The following ATRNL1 variants were observed in gnomAD, a reference collection of about 807,000 sequenced individuals.
ATRNL1 encodes the protein attractin like 1.
In ATRNL1, 95 loss-of-function variants were observed where a neutral mutation model predicts 182.7. The observed-to-expected ratio is 0.52, with a 90% CI of 0.44 to 0.62. The LOEUF is 0.62. Ranked by LOEUF, ATRNL1 falls within the 20% of genes least tolerant of loss-of-function variation. ATRNL1 has a pLI of 0.00. For synonymous variants in ATRNL1, 576 were observed against 568.3 expected (o/e 1.01, Z -0.19); for missense variants, 1,471 against 1,679.5 (o/e 0.88, Z 2.17).
intron 27 of ATRNL1, among the ~76,000 whole-genome samples, chr10:115,786,573 A>G (rs1555080472): frequency 6.6e-6 from 1 of 152,148 alleles, no homozygotes; most frequent in Non-Finnish European, 1.5e-5. Flanking sequence ...AGAAGGATAC[A>G]AGTCATTGGA....
chr10:115,626,922 A>G (rs1592969820), intron 26 of ATRNL1, among the ~76,000 whole-genome samples: 1 of 152,168 alleles, frequency 6.6e-6, no homozygotes, highest in African/African-American at 2.4e-5. Context: ...ATGTATTTCT[A>G]TCTCCTAATA....
chr10:115,381,272 A>G (rs187797849), intron 19 of ATRNL1, among the ~76,000 whole-genome samples: 136 of 150,898 alleles, frequency 9.0e-4, no homozygotes, highest in Non-Finnish European at 1.4e-3. Flanking sequence ...TATTTTTATT[A>G]TTACTATTTT....
intron 9 of ATRNL1, among the ~76,000 whole-genome samples, chr10:115,229,961 C>T (rs144775559): frequency 2.6e-5 from 4 of 152,112 alleles, no homozygotes; most frequent in African/African-American, 4.8e-5. Context: ...ACCCTAGAAG[C>T]CCCCATGTGT....
intron 1 of ATRNL1, among the ~76,000 whole-genome samples, chr10:115,113,614 T>C (rs752354605): frequency 1.3e-5 from 2 of 152,156 alleles, no homozygotes; most frequent in Non-Finnish European, 2.9e-5. Flanking sequence ...ACAAGCTCTC[T>C]CTGCCTGCTG....
At chr10:115,186,465 T>G (rs1364921881) in intron 8 of ATRNL1, among the ~76,000 whole-genome samples, 1 of 152,036 alleles carries the variant, frequency 6.6e-6, no homozygotes, top group Non-Finnish European at 1.5e-5. Flanking sequence ...AATCTAAGTG[T>G]CCATCAACAG....
At chr10:115,464,879 A>T (rs1488612790) in intron 22 of ATRNL1, among the ~76,000 whole-genome samples, 1 of 151,748 alleles carries the variant, frequency 6.6e-6, no homozygotes, top group Non-Finnish European at 1.5e-5. Context: ...CCTTTTTTTG[A>T]GTTCCCAGTC....
chr10:115,427,003 G>C (rs1052553549), intron 21 of ATRNL1, among the ~76,000 whole-genome samples: 1 of 152,124 alleles, frequency 6.6e-6, no homozygotes, highest in African/African-American at 2.4e-5. Flanking sequence ...GATTACAGGC[G>C]TGAGCCACTG....
At chr10:115,470,363 A>G (rs1438220783) in intron 24 of ATRNL1, among the ~76,000 whole-genome samples, 1 of 150,540 alleles carries the variant, frequency 6.6e-6, no homozygotes, top group Non-Finnish European at 1.5e-5. Flanking sequence ...TCTTCATTGT[A>G]TAGTGATTGA....
chr10:115,107,704 G>A (rs910938372), intron 1 of ATRNL1, among the ~76,000 whole-genome samples: 18 of 152,362 alleles, frequency 1.2e-4, no homozygotes, highest in African/African-American at 3.4e-4. Flanking sequence ...TGAGGTAGCC[G>A]CATCTCCACA....
chr10:115,722,246 G>T (rs1419002812), intron 26 of ATRNL1, among the ~76,000 whole-genome samples: 1 of 138,664 alleles, frequency 7.2e-6, no homozygotes, highest in Non-Finnish European at 1.6e-5. Flanking sequence ...GCAGGTCAAA[G>T]ATTATAAAAG....
At chr10:115,212,300 A>T (rs1291018829) in intron 8 of ATRNL1, among the ~76,000 whole-genome samples, 4 of 126,694 alleles carry the variant, frequency 3.2e-5, no homozygotes, top group Non-Finnish European at 5.3e-5. Flanking sequence ...GTTTTTTTTT[A>T]ACTTTTTTTT....
At chr10:115,131,817 G>A (rs1282733513) in intron 5 of ATRNL1, among the ~76,000 whole-genome samples, 2 of 152,164 alleles carry the variant, frequency 1.3e-5, no homozygotes, top group African/African-American at 4.8e-5. Flanking sequence ...CTGTTTGGCT[G>A]TATGCCTAAT....
At chr10:115,201,124 A>G (rs1447850125) in intron 8 of ATRNL1, among the ~76,000 whole-genome samples, 4 of 126,102 alleles carry the variant, frequency 3.2e-5, no homozygotes, top group African/African-American at 9.3e-5. Flanking sequence ...TAGATTCTGG[A>G]TATTAGCCCT....
intron 26 of ATRNL1, among the ~76,000 whole-genome samples, chr10:115,581,515 G>A (rs1261864790): frequency 1.3e-5 from 2 of 152,034 alleles, no homozygotes; most frequent in African/African-American, 4.8e-5. Context: ...AAAATCACAT[G>A]CATTAAAACT....
Position 115,588,209 on chromosome 10 carries a change from C to T in ATRNL1, c.3795+38673C>T, listed in dbSNP as rs192154484. The stretch of plus-strand genomic sequence containing the variant: ...GAATCATTCTAGACTGTCCTCCCTT[C>T]TCATCCCTCTCTCACCCCCAACTCT... On this transcript the variant is annotated intron_variant, in intron 26 of 28. Transcript: ENST00000355044. 3.9e-5 allele frequency among the ~76,000 whole-genome samples: 6 copies of T among 152,292 alleles called. No homozygotes were observed. The East Asian group carries it at 1.2e-3, about 30-fold the overall frequency.
intron 10 of ATRNL1, among the ~76,000 whole-genome samples, chr10:115,261,947 G>T (rs1207259932): frequency 2.0e-5 from 3 of 152,036 alleles, no homozygotes; most frequent in African/African-American, 7.2e-5. Context: ...AGAGAATGGA[G>T]GGAGAGGAAA....
chr10:115,624,281 T>G (rs2133813114), intron 26 of ATRNL1, among the ~76,000 whole-genome samples: 1 of 152,096 alleles, frequency 6.6e-6, no homozygotes, highest in Non-Finnish European at 1.5e-5. Context: ...CCTCCTAAAA[T>G]ACTTTGCAAC....
At chr10:115,370,798 TGAG>T (rs200431235) in intron 19 of ATRNL1, among the ~76,000 whole-genome samples, 241 of 152,298 alleles carry the variant, frequency 1.6e-3, no homozygotes, top group African/African-American at 5.5e-3. Context: ...GCATAAGTAA[TGAG>T]GAGCTGAATG....
At chr10:115,857,714 G>C (rs1245969600) in intron 28 of ATRNL1, among the ~76,000 whole-genome samples, 1 of 152,136 alleles carries the variant, frequency 6.6e-6, no homozygotes, top group Non-Finnish European at 1.5e-5. Flanking sequence ...GAAGCTTAAA[G>C]AATAGTGAAA....
Sources: allele counts gnomAD v4.1 joint callset (sites outside exome capture counted in the v4.1 genomes callset), GRCh38; gene constraint gnomAD v4.1.1; transcripts MANE v1.5; gene names NCBI Gene and HGNC (gene_info 2026-07-23, HGNC 2026-07-21).